STOX2: variants seen among roughly 807,000 people sequenced by gnomAD.
STOX2 encodes the protein storkhead box 2, also known as storkhead-box protein 2.
STOX2 carries 28 observed loss-of-function variants against 60.9 expected under a neutral mutation model. That is an observed-to-expected ratio of 0.46 (90% CI 0.34 to 0.63). STOX2 has a LOEUF of 0.63. Ranked by LOEUF, STOX2 falls within the 30% of genes least tolerant of loss-of-function variation. The pLI, the probability that STOX2 is intolerant of heterozygous loss-of-function variation, is 0.01. For synonymous variants in STOX2, 472 were observed against 463.9 expected (o/e 1.02, Z -0.22); for missense variants, 1,024 against 1,187.7 (o/e 0.86, Z 2.03).
At chr4:183,866,885 GACAA>G (rs548431375) in intron 1 of STOX2, among the ~76,000 whole-genome samples, 16 of 152,174 alleles carry the variant, frequency 1.1e-4, no homozygotes, top group South Asian at 2.1e-4. Flanking sequence ...TCTCAAAACA[GACAA>G]ACAAACAAAC....
At position 183,985,905 on chromosome 4, in the gene STOX2, C is replaced by T. The variant is rs148028334; in HGVS notation, c.167-15420C>T. On this transcript the variant is annotated intron_variant, in intron 1 of 3. Transcript: ENST00000308497. ...GACCTTACAGTGATCAGACCACGCC[C>T]GACAGGAATGGGCTGGATTACATGG... Among the ~76,000 whole-genome samples the T allele has an allele frequency of 4.8e-3, 729 of 152,224 alleles. 3 individuals carry two copies. The highest frequency in any genetic ancestry group is 7.7e-3 in the Non-Finnish European group (524 of 68,008).
At chr4:183,823,824 C>T (rs1739359998) in intron 1 of STOX2, among the ~76,000 whole-genome samples, 1 of 152,236 alleles carries the variant, frequency 6.6e-6, no homozygotes, top group Admixed American at 6.5e-5. Flanking sequence ...AACATCTGTG[C>T]CTCTAGACTG....
chr4:184,004,527 G>C (rs377697888), intron 2 of STOX2, among the ~76,000 whole-genome samples: 5 of 152,288 alleles, frequency 3.3e-5, no homozygotes, highest in South Asian at 4.1e-4. Context: ...GTGAACCCGG[G>C]AGGCCGAGCT....
intron 1 of STOX2, among the ~76,000 whole-genome samples, chr4:183,976,343 A>G (rs1053959724): frequency 2.0e-5 from 3 of 152,174 alleles, no homozygotes; most frequent in South Asian, 2.1e-4. Flanking sequence ...AAATCAGTCA[A>G]TGTAATCTAT....
intron 1 of STOX2, among the ~76,000 whole-genome samples, chr4:183,914,166 G>A (rs1020145598): frequency 1.3e-5 from 2 of 152,182 alleles, no homozygotes; most frequent in African/African-American, 4.8e-5. Flanking sequence ...GGGTTATGAA[G>A]AGGAAAGGGA....
At chr4:183,896,734 G>C (rs540349559) in intron 1 of STOX2, among the ~76,000 whole-genome samples, 1 of 152,204 alleles carries the variant, frequency 6.6e-6, no homozygotes, top group Admixed American at 6.5e-5. Flanking sequence ...ATTTTGTAAC[G>C]AGTTTGGGAG....
At chr4:183,974,205 A>G (rs1314067867) in intron 1 of STOX2, among the ~76,000 whole-genome samples, 1 of 152,160 alleles carries the variant, frequency 6.6e-6, no homozygotes, top group African/African-American at 2.4e-5. Flanking sequence ...GTGTAGAGCA[A>G]CAGCTAAAGA....
chr4:184,012,474 C>T (rs1360528215), intron 3 of STOX2, among the ~76,000 whole-genome samples: 1 of 152,166 alleles, frequency 6.6e-6, no homozygotes, highest in African/African-American at 2.4e-5. Flanking sequence ...CCGTTGTGAT[C>T]TTTTCACTAT....
At chr4:183,840,904 G>A (rs1215469348) in intron 1 of STOX2, among the ~76,000 whole-genome samples, 1 of 152,178 alleles carries the variant, frequency 6.6e-6, no homozygotes, top group Non-Finnish European at 1.5e-5. Flanking sequence ...GTCTCACTCT[G>A]TTGCCCAGGC....
intron 1 of STOX2, among the ~76,000 whole-genome samples, chr4:183,813,054 T>A (rs947663431): frequency 9.9e-5 from 15 of 152,236 alleles, no homozygotes; most frequent in African/African-American, 3.6e-4. Context: ...ATTCAGCCAA[T>A]GGCAGATGGA....
At chr4:184,014,327 T>G (rs1241010422) in intron 3 of STOX2, 2 of 152,132 alleles carry the variant, frequency 1.3e-5, no homozygotes, top group Non-Finnish European at 2.9e-5. Context: ...AGTCTTGACG[T>G]GAGAAGCCTG....
chr4:183,819,257 T>C (rs1239069403), intron 1 of STOX2, among the ~76,000 whole-genome samples: 1 of 151,892 alleles, frequency 6.6e-6, no homozygotes, highest in Non-Finnish European at 1.5e-5. Context: ...TGGGCAACAT[T>C]GAGCACTGAG....
At position 184,001,412 on chromosome 4, in the gene STOX2, T is replaced by C. The variant is rs1733585587; in HGVS notation, c.254T>C (p.Met85Thr). The C allele has an allele frequency of 6.2e-7, 1 of 1,613,748 alleles. No homozygotes were observed. The highest frequency in any genetic ancestry group is 1.7e-5 in the Admixed American group (1 of 59,990). Residue 85 changes from methionine (M) to threonine (T), a missense_variant, in exon 2 of 4, where the codon ATG becomes ACG. Physicochemically the swap from Met to Thr is moderately conservative, Grantham distance 81. This residue lies in a region of STOX2 where 4 missense variants were observed against 19.1 expected (regional missense o/e 0.21). Transcript: ENST00000308497. The surrounding 1 kb of genome is among the most constrained non-coding windows in gnomAD (Gnocchi z 4.2). ...ATCCTCTGCTTGGCCATCTCAGCAA[T>C]GAACTCGGCAAGAAAGCCTGTCACC... ...GEILCLAISA[M>T]NSARKPVTQE...
intron 2 of STOX2, among the ~76,000 whole-genome samples, chr4:184,007,254 G>A (rs1041171243): frequency 3.9e-5 from 6 of 152,040 alleles, no homozygotes; most frequent in African/African-American, 7.2e-5. Flanking sequence ...GTATGTTACC[G>A]CGCATTCACG....
At chr4:183,858,928 G>A (rs1001085648) in intron 1 of STOX2, among the ~76,000 whole-genome samples, 1 of 151,938 alleles carries the variant, frequency 6.6e-6, no homozygotes, top group East Asian at 1.9e-4. Flanking sequence ...TGTACACACC[G>A]CCCCTAAGTC....
chr4:183,819,425 A>G (rs1187867912), intron 1 of STOX2, among the ~76,000 whole-genome samples: 2 of 151,970 alleles, frequency 1.3e-5, no homozygotes, highest in East Asian at 1.9e-4. Context: ...CGCGCCCACA[A>G]TCGCAGGCAC....
chr4:183,953,754 C>T (rs555592330), intron 1 of STOX2, among the ~76,000 whole-genome samples: 1 of 151,914 alleles, frequency 6.6e-6, no homozygotes, highest in East Asian at 1.9e-4. Flanking sequence ...TTAGTAGAGA[C>T]GGGATTTCAC....
In STOX2 at chr4:183,932,865, C is replaced by T. The variant is rs189865827; in HGVS notation, c.166+25909C>T. On this transcript the variant is annotated intron_variant, in intron 1 of 3. Transcript: ENST00000308497. ...TGCAGCTTTAGAACTAAAGAAATGT[C>T]CTACATGACAGCTCCTCCTCATCTG... Among the ~76,000 whole-genome samples, 233 of 152,318 alleles carry T rather than the reference C, an allele frequency of 1.5e-3. 1 individual carries two copies. The highest frequency in any genetic ancestry group is 5.3e-3 in the African/African-American group (222 of 41,572).
intron 1 of STOX2, among the ~76,000 whole-genome samples, chr4:183,855,248 T>C (rs56348474): frequency 0.35 from 52,559 of 152,112 alleles, 9,858 homozygotes; most frequent in East Asian, 0.59. Flanking sequence ...TTTAATTGTG[T>C]GTATTTGTGT....
Sources: allele counts gnomAD v4.1 joint callset (sites outside exome capture counted in the v4.1 genomes callset), GRCh38; gene constraint gnomAD v4.1.1; regional missense constraint gnomAD v4.1.1; non-coding constraint Gnocchi (gnomAD v3.1); transcripts MANE v1.5; gene names NCBI Gene and HGNC (gene_info 2026-07-23, HGNC 2026-07-21).